The following USP6NL variants were observed in gnomAD, a reference collection of about 807,000 sequenced individuals.
USP6NL encodes USP6 N-terminal-like protein.
Under a neutral mutation model 61.9 loss-of-function variants are expected in USP6NL, and 26 were observed. The ratio of observed to expected loss-of-function variants is 0.42; its 90% CI spans 0.31 to 0.58. The LOEUF is 0.58. Ranked by LOEUF, USP6NL falls within the 20% of genes least tolerant of loss-of-function variation. The pLI, the probability that USP6NL is intolerant of heterozygous loss-of-function variation, is 0.16. For synonymous variants in USP6NL, 432 were observed against 390.1 expected, an observed-to-expected ratio of 1.11 and a Z score of -1.27; for missense variants, 1,114 against 1,034.3, an observed-to-expected ratio of 1.08 and a Z score of -1.06.
At position 11,461,969 on chromosome 10, in the gene USP6NL, T is replaced by G. The variant is rs1488368926; in HGVS notation, c.*472A>C. 6.5e-6 allele frequency: 1 copy of G among 153,534 alleles called. No homozygotes were observed. The highest frequency in any genetic ancestry group is 1.4e-5 in the Non-Finnish European group (1 of 69,026). 9.5% of individuals were successfully genotyped at this position (153,534 alleles called of 1,614,324 possible). A position where few individuals can be genotyped will look rare whatever the true frequency, so the allele number is the denominator to read the frequency against. The stretch of plus-strand genomic sequence containing the variant: ...TCCATGGATCTGGATTAAAAGTAGT[T>G]TTTTAAAAAACGTTTCTTTAGCTCT... On this transcript the variant is annotated 3_prime_UTR_variant, in exon 15 of 15. Transcript: ENST00000609104.
At chr10:11,604,065 A>T (rs2133687481) in intron 1 of USP6NL, among the ~76,000 whole-genome samples, 1 of 152,242 alleles carries the variant, frequency 6.6e-6, no homozygotes, top group Non-Finnish European at 1.5e-5. Flanking sequence ...CCTGACCCTC[A>T]GTTTCTTTGT....
chr10:11,582,443 C>T (rs1229658075), intron 2 of USP6NL, among the ~76,000 whole-genome samples: 2 of 152,168 alleles, frequency 1.3e-5, no homozygotes, highest in African/African-American at 4.8e-5. Flanking sequence ...TCACTTCATT[C>T]TAGAATGTAG....
intron 2 of USP6NL, among the ~76,000 whole-genome samples, chr10:11,550,606 A>G (rs1464783507): frequency 3.9e-5 from 6 of 152,028 alleles, no homozygotes; most frequent in Non-Finnish European, 7.4e-5. Flanking sequence ...AAATACAAAA[A>G]TTAGCCGGGC....
Position 11,496,922 on chromosome 10 carries a change from G to T in USP6NL, c.385-3694C>A, listed in dbSNP as rs576020905. ...GCAGCTTTTTAAAACAGGAAGAACA[G>T]CCACAGTATGTTTCAGAATTCTCAA... On this transcript the variant is annotated intron_variant, in intron 7 of 14. Transcript: ENST00000609104. This position sits in a 1 kb window ranked among gnomAD's most constrained non-coding sequence, Gnocchi z 5.4. Among the ~76,000 whole-genome samples the T allele has an allele frequency of 1.3e-5, 2 of 152,060 alleles. No homozygotes were observed. The highest frequency in any genetic ancestry group is 2.9e-5 in the Non-Finnish European group (2 of 68,030).
Position 11,481,845 on chromosome 10 carries a change from C to T in USP6NL, c.1003G>A (p.Asp335Asn), listed in dbSNP as rs747274593. The T allele has an allele frequency of 5.0e-6, 8 of 1,612,804 alleles. No individual in the cohort carries two copies. The East Asian group carries it at 1.8e-4, about 36-fold the overall frequency. Reference sequence around the variant, plus strand: ...TGAAGTTGCTCTATCACAAAATCATCTTCAAAGAAAAAATCCTTTGCCAGG... The same window carrying T: ...TGAAGTTGCTCTATCACAAAATCATTTTCAAAGAAAAAATCCTTTGCCAGG... Reference protein sequence around the residue: ...ETLAKDFFFEDDFVIEQLQIS... With the variant: ...ETLAKDFFFENDFVIEQLQIS... The change falls in exon 14 of 15, where the codon GAT becomes AAT. Residue 335 changes from aspartate (D) to asparagine (N), a missense_variant. Transcript: ENST00000609104. This position sits in a 1 kb window ranked among gnomAD's most constrained non-coding sequence, Gnocchi z 4.4.
intron 6 of USP6NL, among the ~76,000 whole-genome samples, chr10:11,504,484 C>T (rs1244775067): frequency 1.3e-5 from 2 of 152,220 alleles, no homozygotes; most frequent in Non-Finnish European, 2.9e-5. Context: ...AGTATCTGCC[C>T]TAGGTCAAAA....
At chr10:11,464,414 C>A (rs569818189) in intron 14 of USP6NL, among the ~76,000 whole-genome samples, 22 of 152,142 alleles carry the variant, frequency 1.4e-4, no homozygotes, top group Non-Finnish European at 5.9e-5. Flanking sequence ...GTAAGGCCTG[C>A]GATAGGCAGA....
chr10:11,538,476 A>G (rs1342519120), intron 2 of USP6NL, among the ~76,000 whole-genome samples: 1 of 152,202 alleles, frequency 6.6e-6, no homozygotes, highest in Non-Finnish European at 1.5e-5. Context: ...TGTCTCTGGT[A>G]TCTATCAGTG....
rs1833211237 is a variant in USP6NL at position 11,481,825 on chromosome 10, T to C, written c.1023A>G (p.Gln341=). 1.2e-6 allele frequency: 2 copies of C among 1,613,200 alleles called. No individual in the cohort carries two copies. The highest frequency in any genetic ancestry group is 1.7e-6 in the Non-Finnish European group (2 of 1,179,612). The stretch of plus-strand genomic sequence containing the variant: ...TTAGTTCTGTCATAGAAATCTGAAG[T>C]TGCTCTATCACAAAATCATCTTCAA... ...FFFEDDFVIE[Q]LQISMTELKR... The change falls in exon 14 of 15, where the codon CAA becomes CAG. Residue 341 remains glutamine, a synonymous_variant. Transcript: ENST00000609104. The surrounding 1 kb of genome is among the most constrained non-coding windows in gnomAD (Gnocchi z 4.4).
intron 2 of USP6NL, among the ~76,000 whole-genome samples, chr10:11,582,935 T>C (rs1349060914): frequency 2.0e-5 from 3 of 149,418 alleles, no homozygotes; most frequent in Non-Finnish European, 4.4e-5. Context: ...CTTATGTATC[T>C]AGTATGTAAG....
In USP6NL at chr10:11,481,339, A is replaced by G. The variant is rs1420885007; in HGVS notation, c.1078+431T>C. 6.6e-6 allele frequency among the ~76,000 whole-genome samples: 1 copy of G among 152,226 alleles called. No individual in the cohort carries two copies. Among genetic ancestry groups the G allele is most frequent in the Non-Finnish European group, 1.5e-5 (1 of 68,034 alleles). On this transcript the variant is annotated intron_variant, in intron 14 of 14. Coordinates refer to ENST00000609104, the MANE Select transcript of USP6NL (RefSeq NM_014688.5). The surrounding 1 kb of genome is among the most constrained non-coding windows in gnomAD (Gnocchi z 4.4). ...GGTTCTGTGGCTTCATATTTAAGCC[A>G]CTTAGGCACTAAAGTATCAATTTCC...
intron 13 of USP6NL, among the ~76,000 whole-genome samples, chr10:11,483,171 C>T (rs550399009): frequency 2.6e-5 from 4 of 152,218 alleles, no homozygotes; most frequent in South Asian, 2.1e-4. Context: ...ATGGTGGAGA[C>T]GGAACTTCAC....
In USP6NL at chr10:11,499,410, A is replaced by C. The variant is rs1233642412; in HGVS notation, c.384+1691T>G. On this transcript the variant is annotated intron_variant, in intron 7 of 14. Transcript: ENST00000609104. This position sits in a 1 kb window ranked among gnomAD's most constrained non-coding sequence, Gnocchi z 4.5. Reference sequence around the variant, plus strand: ...TCTACATAGAAAAAGTCTAAAATATAACTGAAAATTAGAGTACTATTAGCA... The same window carrying C: ...TCTACATAGAAAAAGTCTAAAATATCACTGAAAATTAGAGTACTATTAGCA... Among the ~76,000 whole-genome samples, 2 of 152,190 alleles carry C rather than the reference A, an allele frequency of 1.3e-5. No homozygotes were observed. Among genetic ancestry groups the C allele is most frequent in the African/African-American group, 4.8e-5 (2 of 41,438 alleles).
rs965110354 is a variant in USP6NL at position 11,528,886 on chromosome 10, C to G, written c.5-1319G>C. ...GTTGAAGGGACATGCATGTGTGTAG[C>G]AGAGCCGGGTGCAGGGTGGAAAACC... On this transcript the variant is annotated intron_variant, in intron 2 of 14. Coordinates refer to ENST00000609104, the MANE Select transcript of USP6NL (RefSeq NM_014688.5). The surrounding 1 kb of genome is among the most constrained non-coding windows in gnomAD (Gnocchi z 4.6). 2.0e-5 allele frequency among the ~76,000 whole-genome samples: 3 copies of G among 152,114 alleles called. No homozygotes were observed. In the East Asian group the frequency reaches 5.8e-4, roughly 29 times the overall value.
At position 11,562,832 on chromosome 10, in the gene USP6NL, T is replaced by A. The variant is rs1836993304; in HGVS notation, c.4+34799A>T. ...CATTAGTAAATAAGTTTTAGAAGAA[T>A]AATAGTAAGGGTCTTTTGGTAGTTT... On this transcript the variant is annotated intron_variant, in intron 2 of 14. Transcript: ENST00000609104. This position sits in a 1 kb window ranked among gnomAD's most constrained non-coding sequence, Gnocchi z 4.8. 2.1e-6 allele frequency: 2 copies of A among 958,534 alleles called. No homozygotes were observed. The highest frequency in any genetic ancestry group is 6.2e-5 in the Admixed American group (1 of 16,240). 59.4% of individuals were successfully genotyped at this position (958,534 alleles called of 1,614,324 possible).
chr10:11,558,182 T>C (rs766552186), intron 2 of USP6NL, among the ~76,000 whole-genome samples: 11 of 152,128 alleles, frequency 7.2e-5, no homozygotes, highest in Admixed American at 1.3e-4. Flanking sequence ...CCAAACAACT[T>C]TGGAGCCCTG....
rs143939748 is a variant in USP6NL at position 11,531,136 on chromosome 10, T to A, written c.5-3569A>T. 4.4e-3 allele frequency among the ~76,000 whole-genome samples: 664 copies of A among 152,318 alleles called. 7 individuals are homozygous for A. The highest frequency in any genetic ancestry group is 0.022 in the East Asian group (113 of 5,188). On this transcript the variant is annotated intron_variant, in intron 2 of 14. Transcript: ENST00000609104. ...TCACACCGCATGTTTATGCTCTCGTTGCATGACAAATCCATAAATAAAAGT... is the reference window on the plus strand; with the variant it reads ...TCACACCGCATGTTTATGCTCTCGTAGCATGACAAATCCATAAATAAAAGT...
At chr10:11,519,069 C>T (rs970577497) in intron 4 of USP6NL, among the ~76,000 whole-genome samples, 5 of 152,082 alleles carry the variant, frequency 3.3e-5, no homozygotes, top group Admixed American at 6.5e-5. Context: ...TTTTTCACAA[C>T]GATAGCTCTG....
chr10:11,521,299 T>A (rs887958853), intron 4 of USP6NL, among the ~76,000 whole-genome samples: 2 of 147,790 alleles, frequency 1.4e-5, no homozygotes, highest in Non-Finnish European at 3.0e-5. Flanking sequence ...GTAATCAAAA[T>A]TATATATATA....
Sources: allele counts gnomAD v4.1 joint callset (sites outside exome capture counted in the v4.1 genomes callset), GRCh38; gene constraint gnomAD v4.1.1; non-coding constraint Gnocchi (gnomAD v3.1); transcripts MANE v1.5; gene names NCBI Gene and HGNC (gene_info 2026-07-23, HGNC 2026-07-21).